The following DLGAP1 variants were observed in gnomAD, a reference collection of about 807,000 sequenced individuals.
DLGAP1 encodes disks large-associated protein 1.
Under a neutral mutation model 90.8 loss-of-function variants are expected in DLGAP1, and 11 were observed. The ratio of observed to expected loss-of-function variants is 0.12; its 90% CI spans 0.08 to 0.20. DLGAP1 has a LOEUF of 0.20. Ranked by LOEUF, DLGAP1 falls within the 10% of genes least tolerant of loss-of-function variation. The probability of loss-of-function intolerance (pLI) is 1.00; values close to 1 mark genes in which losing one functional copy is unlikely to be tolerated. For missense variants in DLGAP1, 1,050 were observed against 1,333.8 expected (o/e 0.79, Z 3.31); for synonymous variants, 558 against 540.7 (o/e 1.03, Z -0.44).
intron 8 of DLGAP1, 102 bp downstream of exon 8, chr18:3,581,773 T>C (rs2055535184): frequency 1.3e-6 from 2 of 1,488,962 alleles, no homozygotes; most frequent in African/African-American, 1.4e-5. Flanking sequence ...CATAGATCTA[T>C]GATTCCAAGC....
intron 1 of DLGAP1, among the ~76,000 whole-genome samples, chr18:4,440,330 A>C (rs2083503866): frequency 6.6e-6 from 1 of 152,104 alleles, no homozygotes; most frequent in Non-Finnish European, 1.5e-5. Context: ...GACTAATAGA[A>C]TATTTTGACT....
intron 7 of DLGAP1, among the ~76,000 whole-genome samples, chr18:3,708,783 G>C (rs368295117): frequency 6.6e-6 from 1 of 152,212 alleles, no homozygotes; most frequent in South Asian, 2.1e-4. Flanking sequence ...GAGCGTACTT[G>C]ACAGTACGCG....
intron 1 of DLGAP1, among the ~76,000 whole-genome samples, chr18:4,364,846 G>T (rs1377018771): frequency 2.8e-5 from 4 of 141,896 alleles, no homozygotes; most frequent in Non-Finnish European, 4.6e-5. Flanking sequence ...AGTGATTCTG[G>T]TATGTTGTAT....
chr18:4,440,636 C>T (rs3862162), intron 1 of DLGAP1, among the ~76,000 whole-genome samples: 52,514 of 151,958 alleles, frequency 0.35, 9,178 homozygotes, highest in East Asian at 0.45. Flanking sequence ...TATAGACACA[C>T]GAGAAGAAAG....
At chr18:4,361,131 G>C (rs1017263812) in intron 1 of DLGAP1, among the ~76,000 whole-genome samples, 2 of 152,044 alleles carry the variant, frequency 1.3e-5, no homozygotes, top group African/African-American at 4.8e-5. Flanking sequence ...TTTCAGAAGA[G>C]GGCTTCAGGG....
chr18:4,356,875 G>T (rs1304653798), intron 1 of DLGAP1, among the ~76,000 whole-genome samples: 1 of 151,986 alleles, frequency 6.6e-6, no homozygotes, highest in African/African-American at 2.4e-5. Flanking sequence ...TGGCCCCCTT[G>T]GTCTTTCTAG....
At chr18:3,547,462 TGACAA>T (rs765341820) in intron 9 of DLGAP1, among the ~76,000 whole-genome samples, 15 of 151,254 alleles carry the variant, frequency 9.9e-5, no homozygotes, top group Non-Finnish European at 1.8e-4. Context: ...GCATACGACA[TGACAA>T]GACATTTCTC....
chr18:4,193,604 G>C (rs1028029474), intron 1 of DLGAP1, among the ~76,000 whole-genome samples: 21 of 152,172 alleles, frequency 1.4e-4, no homozygotes, highest in Admixed American at 9.8e-4. Flanking sequence ...GAAAAGACTT[G>C]ATTACAGAAA....
intron 3 of DLGAP1, chr18:3,978,176 G>C (rs772580891): frequency 7.0e-6 from 3 of 427,652 alleles, no homozygotes; most frequent in Non-Finnish European, 1.4e-5. Context: ...GCCCTTGGTG[G>C]CACAGGAGGC....
intron 7 of DLGAP1, among the ~76,000 whole-genome samples, chr18:3,635,435 G>A (rs533827807): frequency 4.6e-5 from 7 of 151,222 alleles, no homozygotes; most frequent in Middle Eastern, 3.4e-3. Flanking sequence ...CACCGCGCCC[G>A]GCCTGTCTGT....
chr18:3,757,044 A>G (rs1246098761), intron 5 of DLGAP1, among the ~76,000 whole-genome samples: 1 of 152,202 alleles, frequency 6.6e-6, no homozygotes, highest in Non-Finnish European at 1.5e-5. Context: ...ACCCTTCCAG[A>G]AAATAGAGGA....
chr18:4,049,874 C>T (rs771985957), intron 2 of DLGAP1, among the ~76,000 whole-genome samples: 5 of 151,808 alleles, frequency 3.3e-5, no homozygotes, highest in South Asian at 2.1e-4. Context: ...ATTTATCCAT[C>T]TGTCTATTCA....
At chr18:4,429,652 G>A (rs374388895) in intron 1 of DLGAP1, among the ~76,000 whole-genome samples, 2 of 152,218 alleles carry the variant, frequency 1.3e-5, no homozygotes, top group East Asian at 3.9e-4. Flanking sequence ...GCAATACCAC[G>A]TAGCAAAACA....
chr18:3,559,812 G>A lies in DLGAP1; in HGVS notation c.2057+7678C>T, dbSNP rs191780195. Among the ~76,000 whole-genome samples the A allele has an allele frequency of 5.9e-3, 894 of 151,606 alleles. 4 individuals are homozygous for A. The highest frequency in any genetic ancestry group is 0.02 in the Middle Eastern group (6 of 294). ...TAATTTTTGTATTTTTAATAGATAC[G>A]GGGTTTCACCATATTGTCTAGGCTG... is the stretch of plus-strand genomic sequence containing the variant. On this transcript the variant is annotated intron_variant, in intron 9 of 12. Coordinates refer to ENST00000315677, the MANE Select transcript of DLGAP1 (RefSeq NM_004746.4).
At chr18:3,920,595 T>C (rs1001659690) in intron 3 of DLGAP1, among the ~76,000 whole-genome samples, 2 of 152,162 alleles carry the variant, frequency 1.3e-5, no homozygotes, top group African/African-American at 2.4e-5. Context: ...GAGGTAAATA[T>C]GTTTGCATTG....
intron 7 of DLGAP1, among the ~76,000 whole-genome samples, chr18:3,611,572 C>T (rs1359292244): frequency 6.6e-6 from 1 of 152,132 alleles, no homozygotes; most frequent in Non-Finnish European, 1.5e-5. Context: ...TTAACGCGTC[C>T]CCGCCTCCCA....
intron 1 of DLGAP1, chr18:4,294,048 C>T (rs1049552047): frequency 3.3e-5 from 5 of 152,044 alleles, no homozygotes; most frequent in Non-Finnish European, 7.4e-5. Flanking sequence ...TCTTGTATCC[C>T]CTCCTTTTTT....
chr18:4,239,650 A>T (rs1030695758), intron 1 of DLGAP1, among the ~76,000 whole-genome samples: 1 of 152,222 alleles, frequency 6.6e-6, no homozygotes, highest in Non-Finnish European at 1.5e-5. Flanking sequence ...GCCACAACTA[A>T]ATTGTAGCAT....
At chr18:3,996,250 T>C (rs2074068092) in intron 3 of DLGAP1, among the ~76,000 whole-genome samples, 1 of 152,108 alleles carries the variant, frequency 6.6e-6, no homozygotes, top group African/African-American at 2.4e-5. Context: ...CTTGCAGCTT[T>C]AGGACAAAGT....
Sources: gnomAD v4.1 joint callset for allele counts (sites outside exome capture counted in the v4.1 genomes callset) on GRCh38, gnomAD v4.1.1 for gene constraint, MANE v1.5 for transcripts, NCBI Gene and HGNC (gene_info 2026-07-23, HGNC 2026-07-21) for gene names.